The following CPNE8 variants were observed in gnomAD, a reference collection of about 807,000 sequenced individuals.
CPNE8 encodes the protein copine 8.
CPNE8 carries 45 observed loss-of-function variants against 81.5 expected under a neutral mutation model. That is an observed-to-expected ratio of 0.55 (90% CI 0.44 to 0.71). The LOEUF (loss-of-function observed/expected upper bound fraction) is 0.71. Among genes scored for constraint, CPNE8 ranks in the 30% least tolerant of loss-of-function variants. The pLI is 0.00. For missense variants in CPNE8, 594 were observed against 672.1 expected, an observed-to-expected ratio of 0.88 and a Z score of 1.28; for synonymous variants, 252 against 226.3, an observed-to-expected ratio of 1.11 and a Z score of -1.02.
intron 15 of CPNE8, among the ~76,000 whole-genome samples, chr12:38,691,846 C>T (rs915465774): frequency 6.6e-6 from 1 of 152,174 alleles, no homozygotes; most frequent in Non-Finnish European, 1.5e-5. Flanking sequence ...TTTATAAGGG[C>T]CTAATTTCAT....
intron 7 of CPNE8, among the ~76,000 whole-genome samples, chr12:38,770,422 T>C (rs181024200): frequency 6.6e-6 from 1 of 152,340 alleles, no homozygotes; most frequent in Admixed American, 6.5e-5. Context: ...ATCTTATTTC[T>C]CACCCAGACA....
chr12:38,863,622 T>C (rs189575082), intron 3 of CPNE8, among the ~76,000 whole-genome samples: 1 of 152,336 alleles, frequency 6.6e-6, no homozygotes, highest in East Asian at 1.9e-4. Flanking sequence ...ATTATTCAGC[T>C]GGAAACATTA....
chr12:38,805,466 TC>T (rs1942773366), intron 6 of CPNE8, among the ~76,000 whole-genome samples: 3 of 85,748 alleles, frequency 3.5e-5, no homozygotes, highest in Non-Finnish European at 4.7e-5. Flanking sequence ...AACAATGAGA[TC>T]ACATGGACAC....
At chr12:38,772,889 AATAG>A (rs1296474377) in intron 7 of CPNE8, among the ~76,000 whole-genome samples, 4 of 151,428 alleles carry the variant, frequency 2.6e-5, no homozygotes, top group Non-Finnish European at 4.4e-5. Context: ...TCAACAGATG[AATAG>A]ATACAGAAAA....
At chr12:38,855,744 A>C (rs553925335) in intron 3 of CPNE8, among the ~76,000 whole-genome samples, 6 of 152,264 alleles carry the variant, frequency 3.9e-5, no homozygotes, top group South Asian at 2.1e-4. Context: ...AAAAATAATA[A>C]TAAGTAGGTG....
At chr12:38,683,875 A>G (rs1939468037) in intron 16 of CPNE8, among the ~76,000 whole-genome samples, 1 of 152,154 alleles carries the variant, frequency 6.6e-6, no homozygotes, top group African/African-American at 2.4e-5. Flanking sequence ...AATGATAGAT[A>G]AAACAAAAAA....
At chr12:38,876,140 A>C (rs1431426423) in intron 1 of CPNE8, among the ~76,000 whole-genome samples, 1 of 152,254 alleles carries the variant, frequency 6.6e-6, no homozygotes, top group Admixed American at 6.5e-5. Flanking sequence ...TGCCTTACTT[A>C]TGTAAAAAAA....
chr12:38,739,654 A>G (rs1941043666), intron 10 of CPNE8, among the ~76,000 whole-genome samples: 2 of 152,196 alleles, frequency 1.3e-5, no homozygotes, highest in South Asian at 4.1e-4. Context: ...CCTCAAAACC[A>G]TAAAATACCT....
chr12:38,773,849 C>T lies in CPNE8; in HGVS notation c.471+2389G>A, dbSNP rs189492297. ...CTAATGTAGTAATGAAATACTATTTCAAGTTTATTAGTATTAATAATGATG... is the reference window on the plus strand; with the variant it reads ...CTAATGTAGTAATGAAATACTATTTTAAGTTTATTAGTATTAATAATGATG... On this transcript the variant is annotated intron_variant, in intron 7 of 19. Transcript: ENST00000331366. Among the ~76,000 whole-genome samples the T allele has an allele frequency of 3.0e-3, 461 of 152,094 alleles. 2 individuals carry two copies. The highest frequency in any genetic ancestry group is 6.0e-3 in the Admixed American group (91 of 15,272).
At chr12:38,726,900 A>G (rs1940712609) in intron 11 of CPNE8, among the ~76,000 whole-genome samples, 1 of 152,194 alleles carries the variant, frequency 6.6e-6, no homozygotes, top group Admixed American at 6.5e-5. Context: ...AATTAAATTT[A>G]ATTGCATAAA....
chr12:38,668,960 A>C (rs1333903177), intron 19 of CPNE8, among the ~76,000 whole-genome samples: 1 of 152,128 alleles, frequency 6.6e-6, no homozygotes, highest in Non-Finnish European at 1.5e-5. Flanking sequence ...AGGCTGAGGC[A>C]GGAGAATGAC....
chr12:38,877,405 T>C (rs1391586496), intron 1 of CPNE8, among the ~76,000 whole-genome samples: 1 of 152,032 alleles, frequency 6.6e-6, no homozygotes, highest in African/African-American at 2.4e-5. Context: ...AGAAGGCTAC[T>C]CTTCCCTCCA....
intron 15 of CPNE8, among the ~76,000 whole-genome samples, chr12:38,686,959 T>C (rs1174656086): frequency 6.6e-6 from 1 of 152,148 alleles, no homozygotes; most frequent in East Asian, 1.9e-4. Flanking sequence ...TAGTTCACAC[T>C]TGAGAAAAAG....
chr12:38,754,786 G>T (rs912408302), intron 10 of CPNE8, among the ~76,000 whole-genome samples: 1 of 152,030 alleles, frequency 6.6e-6, no homozygotes, highest in African/African-American at 2.4e-5. Flanking sequence ...TATAGATTAT[G>T]AAATTCCATT....
At chr12:38,785,859 T>C (rs1208797014) in intron 6 of CPNE8, among the ~76,000 whole-genome samples, 2 of 152,104 alleles carry the variant, frequency 1.3e-5, no homozygotes, top group Admixed American at 1.3e-4. Context: ...TAATGAGTTA[T>C]AAGATAATAT....
chr12:38,906,106 C>G, upstream of CPNE8: 1 of 986,136 alleles, frequency 1.0e-6, no homozygotes, highest in Admixed American at 6.1e-5. Flanking sequence ...CTAACTGCCC[C>G]GTTATAAGGT....
At chr12:38,775,445 C>A (rs757895221) in intron 7 of CPNE8, among the ~76,000 whole-genome samples, 29 of 152,120 alleles carry the variant, frequency 1.9e-4, no homozygotes, top group Non-Finnish European at 3.8e-4. Context: ...TTCCTACAAT[C>A]AAGCAGCAAC....
chr12:38,673,195 T>C lies in CPNE8; in HGVS notation c.1433-2393A>G, dbSNP rs146593557. Among the ~76,000 whole-genome samples the C allele has an allele frequency of 4.3e-3, 658 of 152,314 alleles. 3 individuals carry two copies. Among genetic ancestry groups the C allele is most frequent in the Non-Finnish European group, 7.7e-3 (522 of 68,034 alleles). The stretch of plus-strand genomic sequence containing the variant: ...CCTGCCACCATGTAGGATATGACTG[T>C]TTCCCCTTCCACCATGATTCTAAGT... On this transcript the variant is annotated intron_variant, in intron 18 of 19. Transcript: ENST00000331366.
chr12:38,792,347 C>G (rs1269249420), intron 6 of CPNE8, among the ~76,000 whole-genome samples: 1 of 149,184 alleles, frequency 6.7e-6, no homozygotes, highest in Non-Finnish European at 1.5e-5. Context: ...GCTAGATTAA[C>G]TACGAAAAAG....
Sources: gnomAD v4.1 joint callset for allele counts (sites outside exome capture counted in the v4.1 genomes callset) on GRCh38, gnomAD v4.1.1 for gene constraint, MANE v1.5 for transcripts, NCBI Gene and HGNC (gene_info 2026-07-23, HGNC 2026-07-21) for gene names.